DOCK1: variants seen among roughly 807,000 people sequenced by gnomAD.
DOCK1 encodes the protein dedicator of cytokinesis 1, also known as dedicator of cytokinesis protein 1.
In DOCK1, 138 loss-of-function variants were observed where a neutral mutation model predicts 262.7. That is an observed-to-expected ratio of 0.53 (90% confidence interval 0.46 to 0.61). The LOEUF (loss-of-function observed/expected upper bound fraction) is 0.61, where lower values mean the gene tolerates loss of function less well. Among genes scored for constraint, DOCK1 ranks in the 20% least tolerant of loss-of-function variants. The probability of loss-of-function intolerance (pLI) is 0.00; values close to 1 mark genes in which losing one functional copy is unlikely to be tolerated. For missense variants in DOCK1, 1,908 were observed against 2,370.7 expected (o/e 0.80, Z 4.05); for synonymous variants, 866 against 867.4 (o/e 1.00, Z 0.03).
rs184650608 is a variant in DOCK1, at chr10:127,294,921, C to T, written c.3044+37492C>T. On this transcript the variant is annotated intron_variant, in intron 29 of 51. Coordinates refer to ENST00000623213, the MANE Select transcript of DOCK1 (RefSeq NM_001290223.2). ...TCTCCCAAAGTGTCAGGATTACAGG[C>T]GTGAGCCACCACACCTGGCCAAGTT... Among the ~76,000 whole-genome samples, 28 of 152,234 alleles carry T rather than the reference C, an allele frequency of 1.8e-4. No homozygotes were observed. In the East Asian group the frequency reaches 5.2e-3, roughly 28 times the overall value.
chr10:127,187,796 A>G (rs1339204012), intron 27 of DOCK1, among the ~76,000 whole-genome samples: 1 of 152,132 alleles, frequency 6.6e-6, no homozygotes, highest in Non-Finnish European at 1.5e-5. Context: ...GCAAGCAAGC[A>G]AGCAAAAGCA....
At chr10:127,390,975 C>G (rs894150004) in intron 38 of DOCK1, among the ~76,000 whole-genome samples, 1 of 152,208 alleles carries the variant, frequency 6.6e-6, no homozygotes, top group African/African-American at 2.4e-5. Context: ...CCAAGAACAT[C>G]GTCAGACCAG....
chr10:127,352,736 A>G (rs2063945476), intron 31 of DOCK1, among the ~76,000 whole-genome samples: 1 of 152,038 alleles, frequency 6.6e-6, no homozygotes, highest in Non-Finnish European at 1.5e-5. Context: ...GGGATTACAG[A>G]CATGTGCCAC....
chr10:127,250,970 T>A (rs1407163264), intron 28 of DOCK1, among the ~76,000 whole-genome samples: 2 of 149,654 alleles, frequency 1.3e-5, no homozygotes, highest in East Asian at 3.9e-4. Flanking sequence ...CTGACAACGA[T>A]TTTTTTTTTG....
intron 11 of DOCK1, among the ~76,000 whole-genome samples, chr10:127,009,868 C>T (rs2135280933): frequency 6.6e-6 from 1 of 152,228 alleles, no homozygotes; most frequent in Admixed American, 6.5e-5. Flanking sequence ...CCGCGCTCAA[C>T]CCCACCCGAC....
At chr10:126,946,521 G>A (rs1227751768) in intron 1 of DOCK1, among the ~76,000 whole-genome samples, 5 of 152,084 alleles carry the variant, frequency 3.3e-5, no homozygotes, top group Non-Finnish European at 5.9e-5. Flanking sequence ...ACTCCAGTCT[G>A]GGCAACAGAG....
intron 46 of DOCK1, among the ~76,000 whole-genome samples, chr10:127,423,830 C>T (rs2134524742): frequency 6.6e-6 from 1 of 152,232 alleles, no homozygotes; most frequent in South Asian, 2.1e-4. Flanking sequence ...TACGGCCCAT[C>T]AGGAGGGCGT....
chr10:127,247,471 A>G (rs779914991), intron 27 of DOCK1, among the ~76,000 whole-genome samples: 3 of 152,168 alleles, frequency 2.0e-5, no homozygotes, highest in Admixed American at 6.5e-5. Flanking sequence ...GCCATGGCCC[A>G]AGAGGAGAGG....
chr10:127,286,074 A>G (rs1023180014), intron 29 of DOCK1, among the ~76,000 whole-genome samples: 2 of 152,090 alleles, frequency 1.3e-5, no homozygotes, highest in Non-Finnish European at 2.9e-5. Flanking sequence ...GTCTACTGCA[A>G]TCCCCCTTTC....
chr10:127,416,801 C>G (rs2068181644), intron 44 of DOCK1, among the ~76,000 whole-genome samples: 1 of 152,122 alleles, frequency 6.6e-6, no homozygotes, highest in African/African-American at 2.4e-5. Flanking sequence ...AGCTGTGTGC[C>G]CGGGATGAAA....
chr10:127,305,005 C>T (rs1421216409), intron 29 of DOCK1, among the ~76,000 whole-genome samples: 2 of 152,056 alleles, frequency 1.3e-5, no homozygotes, highest in African/African-American at 2.4e-5. Context: ...GAACGTGGTT[C>T]CACTGATGAG....
intron 33 of DOCK1, among the ~76,000 whole-genome samples, chr10:127,369,487 C>G (rs1590739611): frequency 6.6e-6 from 1 of 152,258 alleles, no homozygotes; most frequent in African/African-American, 2.4e-5. Flanking sequence ...TTCCATAATC[C>G]CCTTTAACCA....
At position 127,343,527 on chromosome 10, in the gene DOCK1, GT is replaced by G. The variant is rs945216472; in HGVS notation, c.3124-109del. The G allele has an allele frequency of 6.2e-3, 4,625 of 749,436 alleles. 1 individual carries two copies. The highest frequency in any genetic ancestry group is 6.7e-3 in the South Asian group (301 of 44,670). The allele number at this position is 749,436 out of a possible 1,614,324, so 46.4% of individuals were successfully genotyped here. On this transcript the variant is annotated intron_variant, in intron 30 of 51. Coordinates refer to ENST00000623213, the MANE Select transcript of DOCK1 (RefSeq NM_001290223.2). ...AGCAACATGTATAGAGTGAGTGTGG[GT>G]TTTTTTTTTAACTTTTCAGAAGTGT...
At chr10:127,247,144 C>A (rs1201694646) in intron 27 of DOCK1, among the ~76,000 whole-genome samples, 1 of 152,218 alleles carries the variant, frequency 6.6e-6, no homozygotes, top group Non-Finnish European at 1.5e-5. Context: ...CGTGTGCACA[C>A]CCACGTCCAC....
At chr10:127,423,587 T>G (rs2068638233) in intron 46 of DOCK1, among the ~76,000 whole-genome samples, 1 of 152,204 alleles carries the variant, frequency 6.6e-6, no homozygotes, top group South Asian at 2.1e-4. Context: ...CTGCCGAGTA[T>G]CCAAAGACAA....
At chr10:127,282,700 CT>C (rs1468743921) in intron 29 of DOCK1, among the ~76,000 whole-genome samples, 2 of 152,232 alleles carry the variant, frequency 1.3e-5, no homozygotes, top group Admixed American at 1.3e-4. Context: ...TGCTTTTCCT[CT>C]TGGTTGGGTA....
intron 1 of DOCK1, among the ~76,000 whole-genome samples, chr10:126,912,219 A>C (rs185279281): frequency 1.3e-5 from 2 of 152,046 alleles, no homozygotes; most frequent in South Asian, 4.1e-4. Context: ...ACCTGAGGTC[A>C]GGGGTTAGAG....
At chr10:127,434,072 C>T (rs1043854896) in intron 48 of DOCK1, among the ~76,000 whole-genome samples, 9 of 152,056 alleles carry the variant, frequency 5.9e-5, no homozygotes, top group African/African-American at 1.9e-4. Flanking sequence ...GACACAACCT[C>T]CACTGTCCCC....
chr10:127,018,297 C>A (rs1006094904), intron 12 of DOCK1, among the ~76,000 whole-genome samples: 2 of 152,200 alleles, frequency 1.3e-5, no homozygotes, highest in Non-Finnish European at 2.9e-5. Context: ...GAATTCACCT[C>A]CAGAATCCTC....
Sources: allele counts gnomAD v4.1 joint callset (sites outside exome capture counted in the v4.1 genomes callset), GRCh38; gene constraint gnomAD v4.1.1; transcripts MANE v1.5; gene names NCBI Gene and HGNC (gene_info 2026-07-23, HGNC 2026-07-21).